Variants in BDP1 observed in about 807,000 individuals in gnomAD.
BDP1 encodes the protein transcription factor TFIIIB component B'' homolog.
In BDP1, 169 loss-of-function variants were observed where a neutral mutation model predicts 266.6. That is an observed-to-expected ratio of 0.63 (90% CI 0.56 to 0.72). The LOEUF is 0.72. Ranked by LOEUF, BDP1 falls within the 30% of genes least tolerant of loss-of-function variation. The probability of loss-of-function intolerance (pLI) is 0.00; values close to 1 mark genes in which losing one functional copy is unlikely to be tolerated. For synonymous variants in BDP1, 1,090 were observed against 1,022.4 expected, an observed-to-expected ratio of 1.07 and a Z score of -1.26; for missense variants, 3,015 against 3,053.8, an observed-to-expected ratio of 0.99 and a Z score of 0.30.
intron 33 of BDP1, among the ~76,000 whole-genome samples, chr5:71,548,979 G>C (rs988033906): frequency 6.6e-6 from 1 of 152,166 alleles, no homozygotes; most frequent in Non-Finnish European, 1.5e-5. Context: ...TCTTGGGCCA[G>C]TCATGGTGGC....
chr5:71,556,891 C>T lies in BDP1; in HGVS notation c.7206C>T (p.His2402=), dbSNP rs1743250757. The T allele has an allele frequency of 2.1e-6, 3 of 1,432,584 alleles. No individual in the cohort carries two copies. The highest frequency in any genetic ancestry group is 2.8e-6 in the Non-Finnish European group (3 of 1,071,268). The allele number at this position is 1,432,584 out of a possible 1,614,324, so 88.7% of individuals were successfully genotyped here. ...TTTAAATTTTCTTAAAATAGGTGCA[C>T]TCAAAGGAATTAACAAATGTTTTTG... ...DDCQEYTTEV[H]SKELTNVFEE... Residue 2402 remains histidine (H), a synonymous_variant, in exon 36 of 39, where the codon CAC becomes CAT. Transcript: ENST00000358731.
At chr5:71,513,090 T>TAAAAAAAAAAAAAA (rs1765023009) in intron 18 of BDP1, 95 bp from the exon 19 acceptor site, 1 of 639,848 alleles carries the variant, frequency 1.6e-6, no homozygotes, top group African/African-American at 2.1e-5. Flanking sequence ...AAAAAAAAAT[T>TAAAAAAAAAAAAAA]AAATGTTTAC....
At chr5:71,562,776 G>A (rs1259575235) in intron 38 of BDP1, 3 of 1,372,790 alleles carry the variant, frequency 2.2e-6, no homozygotes, top group Non-Finnish European at 2.9e-6. Context: ...TTAATCTAGA[G>A]ACCCTTCTGA....
In BDP1 at chr5:71,467,413, T is replaced by C; in HGVS notation, c.845T>C (p.Ile282Thr). ...TGTGTTGTTGAAGAAAATGACCCCA[T>C]ATTTGAGCGCGGTTCTACAACTACA... ...GPCVVEENDP[I>T]FERGSTTTYS... The change falls in exon 6 of 39, where the codon ATA becomes ACA. Residue 282 changes from isoleucine (I) to threonine (T), a missense_variant. Ile to Thr is a moderately conservative substitution (Grantham distance 89). Coordinates refer to ENST00000358731, the MANE Select transcript of BDP1 (RefSeq NM_018429.3). 1 of 1,611,162 alleles carries C rather than the reference T, an allele frequency of 6.2e-7. No individual in the cohort carries two copies.
intron 17 of BDP1, among the ~76,000 whole-genome samples, chr5:71,511,697 A>AT (rs1356933357): frequency 6.6e-6 from 1 of 151,876 alleles, no homozygotes; most frequent in African/African-American, 2.4e-5. Context: ...TGTTATTATT[A>AT]TTATTTTTTT....
chr5:71,554,101 GAAAGTT>G (rs1481521037), intron 35 of BDP1, among the ~76,000 whole-genome samples: 1 of 152,196 alleles, frequency 6.6e-6, no homozygotes, highest in African/African-American at 2.4e-5. Flanking sequence ...TTCTCAAAGA[GAAAGTT>G]AAAGACCAAT....
At chr5:71,529,700 A>G (rs1212508193) in intron 25 of BDP1, among the ~76,000 whole-genome samples, 1 of 152,194 alleles carries the variant, frequency 6.6e-6, no homozygotes, top group Non-Finnish European at 1.5e-5. Flanking sequence ...TTGAAGCACA[A>G]TGGAATGTTT....
rs1321972760 is a variant in BDP1 at position 71,560,191 on chromosome 5, C to T, written c.7450C>T (p.Gln2484Ter). The change falls in exon 37 of 39, where the codon CAG becomes TAG. Residue 2484 changes from glutamine to a stop codon, truncating the protein, a stop_gained. Transcript: ENST00000358731. LOFTEE classifies it high-confidence loss of function. The part of the protein sequence containing the change: ...EERTDAAPKS[Q>*]QMDSRTSSSK... ...AAGAACTGATGCTGCTCCTAAGTCT[C>T]AGCAAATGGATAGCAGAACATCGTC... 6.2e-7 allele frequency: 1 copy of T among 1,614,148 alleles called. No individual in the cohort carries two copies. The highest frequency in any genetic ancestry group is 1.7e-5 in the Admixed American group (1 of 60,022).
chr5:71,532,248 A>C, intron 25 of BDP1, 60 bp from the exon 26 acceptor site: 2 of 1,475,974 alleles, frequency 1.4e-6, no homozygotes, highest in Non-Finnish European at 1.9e-6. Flanking sequence ...GTTGAAGATG[A>C]GGCTTTGTTT....
At chr5:71,514,438 C>T (rs1373501076) in intron 19 of BDP1, among the ~76,000 whole-genome samples, 3 of 152,126 alleles carry the variant, frequency 2.0e-5, no homozygotes, top group Non-Finnish European at 4.4e-5. Context: ...GTTAATCATA[C>T]AGCAATTTTG....
chr5:71,495,092 G>GGATCATA (rs1429240365), intron 11 of BDP1, 158 bp from the exon 12 acceptor site: 38 of 426,680 alleles, frequency 8.9e-5, no homozygotes, highest in Admixed American at 4.1e-5. Context: ...GATGCAAGAT[G>GGATCATA]GATCATAGAA....
chr5:71,539,616 T>C lies in BDP1; in HGVS notation c.5989T>C (p.Leu1997=), dbSNP rs543272596. 3.7e-6 allele frequency: 6 copies of C among 1,612,334 alleles called. No individual in the cohort carries two copies. The highest frequency in any genetic ancestry group is 2.7e-5 in the African/African-American group (2 of 74,780). The change falls in exon 28 of 39, where the codon TTG becomes CTG. Residue 1997 remains leucine, a synonymous_variant. Coordinates refer to ENST00000358731, the MANE Select transcript of BDP1 (RefSeq NM_018429.3). Reference sequence around the variant, plus strand: ...TTTACTTACAATGGGAGATCTAGTATTGCAGTCAGAGATCAGTAGTGAACA... The same window carrying C: ...TTTACTTACAATGGGAGATCTAGTACTGCAGTCAGAGATCAGTAGTGAACA... ...ITLLTMGDLV[L]QSEISSEQGD...
downstream of BDP1, chr5:71,567,834 C>A (rs895214695): frequency 6.6e-6 from 1 of 151,794 alleles, no homozygotes; most frequent in South Asian, 2.1e-4. Context: ...CTGTTGTGTC[C>A]TTTTAAGATG....
At chr5:71,497,115 A>G (rs192456451) in intron 12 of BDP1, among the ~76,000 whole-genome samples, 155 bp from the exon 13 acceptor site, 203 of 152,350 alleles carry the variant, frequency 1.3e-3, no homozygotes, top group Middle Eastern at 0.01. Context: ...TTTTAATATC[A>G]GATAGAACAA....
intron 31 of BDP1, 22 bp downstream of exon 31, chr5:71,544,529 G>A: frequency 1.3e-6 from 2 of 1,598,928 alleles, no homozygotes; most frequent in African/African-American, 1.4e-5. Flanking sequence ...AAGAGGTTCT[G>A]AGATTCAGTT....
chr5:71,539,327 G>T (rs1054446074), intron 27 of BDP1, among the ~76,000 whole-genome samples: 1 of 152,140 alleles, frequency 6.6e-6, no homozygotes, highest in African/African-American at 2.4e-5. Context: ...TTTCCTTGAA[G>T]ATATTATTTA....
chr5:71,501,314 T>C (rs1167327232), intron 13 of BDP1, among the ~76,000 whole-genome samples: 3 of 152,126 alleles, frequency 2.0e-5, no homozygotes, highest in Non-Finnish European at 2.9e-5. Flanking sequence ...TAACTGGGAC[T>C]ACAGGCACAC....
chr5:71,478,307 T>C (rs1370663585), intron 7 of BDP1, among the ~76,000 whole-genome samples: 1 of 152,200 alleles, frequency 6.6e-6, no homozygotes, highest in Non-Finnish European at 1.5e-5. Context: ...TACATATAGA[T>C]ATATATGAGT....
chr5:71,487,764 A>G (rs1763355256), intron 9 of BDP1, among the ~76,000 whole-genome samples: 1 of 152,230 alleles, frequency 6.6e-6, no homozygotes, highest in African/African-American at 2.4e-5. Flanking sequence ...TCGGATTTTC[A>G]AAAGAAAAGC....
Sources: gnomAD v4.1 joint callset for allele counts (sites outside exome capture counted in the v4.1 genomes callset) on GRCh38, gnomAD v4.1.1 for gene constraint, MANE v1.5 for transcripts, NCBI Gene and HGNC (gene_info 2026-07-23, HGNC 2026-07-21) for gene names.